NLGN1: variants seen among roughly 807,000 people sequenced by gnomAD.
NLGN1 encodes neuroligin 1.
In NLGN1, 12 loss-of-function variants were observed where a neutral mutation model predicts 65.5. The ratio of observed to expected loss-of-function variants is 0.18; its 90% confidence interval spans 0.12 to 0.30. The LOEUF (loss-of-function observed/expected upper bound fraction) is 0.30. Among genes scored for constraint, NLGN1 ranks in the 10% least tolerant of loss-of-function variants. The pLI is 1.00. For missense variants in NLGN1, 750 were observed against 1,007.1 expected (o/e 0.74, Z 3.46); for synonymous variants, 350 against 359.5 (o/e 0.97, Z 0.30).
At chr3:173,598,391 A>T (rs55778229) in intron 2 of NLGN1, among the ~76,000 whole-genome samples, 15,469 of 152,090 alleles carry the variant, frequency 0.1, 874 homozygotes, top group South Asian at 0.21. Flanking sequence ...TTACATAAAA[A>T]ATGGCAAATA....
intron 3 of NLGN1, among the ~76,000 whole-genome samples, chr3:173,779,956 A>C (rs1578393793): frequency 6.6e-6 from 1 of 151,986 alleles, no homozygotes; most frequent in South Asian, 2.1e-4. Context: ...CCTTTTTTCC[A>C]ATTTTGTCAG....
At position 174,279,174 on chromosome 3, in the gene NLGN1, AG is replaced by A; in HGVS notation, c.1176del (p.Leu393Ter). On this transcript the variant is annotated frameshift_variant, in exon 6 of 7. Transcript: ENST00000457714. LOFTEE classifies it high-confidence loss of function. This position sits in a 1 kb window ranked among gnomAD's most constrained non-coding sequence, Gnocchi z 4.7. ...TAATGTTAGGAGTGAACCAAGGGGA[AG>A]GGTTAAAATTTGTTGAAAATATAGT... 6.2e-7 allele frequency: 1 copy of A among 1,613,378 alleles called. No homozygotes were observed. The highest frequency in any genetic ancestry group is 8.5e-7 in the Non-Finnish European group (1 of 1,179,522).
the NLGN1 span, among the ~76,000 whole-genome samples, chr3:174,293,023 A>G: frequency 3.8e-4 from 57 of 151,690 alleles, no homozygotes; most frequent in African/African-American, 1.3e-3. Context: ...TCCTCAATAA[A>G]TAAATTGCAA....
intron 4 of NLGN1, among the ~76,000 whole-genome samples, chr3:173,937,946 G>T (rs1202974737): frequency 6.6e-6 from 1 of 152,088 alleles, no homozygotes; most frequent in Non-Finnish European, 1.5e-5. Flanking sequence ...CAATAATGTA[G>T]TTGTTCTGAT....
intron 4 of NLGN1, among the ~76,000 whole-genome samples, chr3:174,147,514 A>G (rs1577092973): frequency 7.5e-6 from 1 of 133,722 alleles, no homozygotes; most frequent in African/African-American, 2.9e-5. Context: ...GCTCACTGCA[A>G]CCTCCACTTC....
At chr3:173,861,028 G>A (rs1728961234) in intron 4 of NLGN1, among the ~76,000 whole-genome samples, 1 of 151,970 alleles carries the variant, frequency 6.6e-6, no homozygotes, top group African/African-American at 2.4e-5. Context: ...TTATATTATA[G>A]GTTTTCTTTT....
chr3:173,447,652 G>C (rs528337054), intron 2 of NLGN1, among the ~76,000 whole-genome samples: 5,571 of 152,206 alleles, frequency 0.037, 148 homozygotes, highest in South Asian at 0.057. Flanking sequence ...ACCTTGGGCA[G>C]TATGGCCATT....
At chr3:173,835,677 T>C (rs1723508500) in intron 4 of NLGN1, among the ~76,000 whole-genome samples, 1 of 151,854 alleles carries the variant, frequency 6.6e-6, no homozygotes, top group Non-Finnish European at 1.5e-5. Context: ...GTACAACAGG[T>C]ATATAAAACT....
rs191456241 is a variant in NLGN1 at position 173,399,910 on chromosome 3, C to T, written c.-390+1423C>T. The stretch of plus-strand genomic sequence containing the variant: ...TTAATACAGATATAGCTTTGAGTGA[C>T]GTATCTCTCTGGGTTTTCATGTATT... On this transcript the variant is annotated intron_variant, in intron 1 of 6. Coordinates refer to ENST00000457714, the Ensembl canonical transcript of NLGN1. The T allele has an allele frequency of 2.2e-3, 337 of 152,214 alleles. 1 individual carries two copies. The highest frequency in any genetic ancestry group is 7.9e-3 in the African/African-American group (327 of 41,528). 9.4% of individuals were successfully genotyped at this position (152,214 alleles called of 1,614,324 possible). A position where few individuals can be genotyped will look rare whatever the true frequency, so the allele number is the denominator to read the frequency against.
chr3:173,648,219 C>T (rs7622311), intron 3 of NLGN1, among the ~76,000 whole-genome samples: 16,953 of 151,932 alleles, frequency 0.11, 983 homozygotes, highest in Middle Eastern at 0.27. Flanking sequence ...AGATATGCTA[C>T]AAATTGAGAG....
At chr3:174,210,971 C>T (rs1001960119) in intron 4 of NLGN1, among the ~76,000 whole-genome samples, 11 of 152,186 alleles carry the variant, frequency 7.2e-5, no homozygotes, top group Middle Eastern at 3.4e-3. Context: ...AGAATGAAGC[C>T]GCGGACCCTC....
intron 3 of NLGN1, among the ~76,000 whole-genome samples, chr3:173,648,104 A>G (rs1758562821): frequency 6.6e-6 from 1 of 152,162 alleles, no homozygotes; most frequent in Admixed American, 6.5e-5. Context: ...AACAACACTG[A>G]AAAAGAACAA....
At chr3:174,097,594 T>A (rs1186794822) in intron 4 of NLGN1, among the ~76,000 whole-genome samples, 1 of 152,214 alleles carries the variant, frequency 6.6e-6, no homozygotes, top group Non-Finnish European at 1.5e-5. Context: ...AATCATTAAA[T>A]CTAAAATTAT....
chr3:174,279,470 A>G lies in NLGN1; in HGVS notation c.1469A>G (p.His490Arg). 1.9e-6 allele frequency: 3 copies of G among 1,613,168 alleles called. No homozygotes were observed. Among genetic ancestry groups the G allele is most frequent in the East Asian group, 2.2e-5 (1 of 44,822 alleles). The change falls in exon 6 of 7, where the codon CAT becomes CGT. Residue 490 changes from histidine to arginine, a missense_variant. Coordinates refer to ENST00000457714, the Ensembl canonical transcript of NLGN1. This position sits in a 1 kb window ranked among gnomAD's most constrained non-coding sequence, Gnocchi z 4.7. Reference sequence around the variant, plus strand: ...CCTACGTACTTCTATGCCTTTTACCATCATTGCCAAACAGATCAGGTTCCA... The same window carrying G: ...CCTACGTACTTCTATGCCTTTTACCGTCATTGCCAAACAGATCAGGTTCCA...
At chr3:174,222,937 C>CT (rs2152807430) in intron 4 of NLGN1, among the ~76,000 whole-genome samples, 1 of 152,204 alleles carries the variant, frequency 6.6e-6, no homozygotes, top group South Asian at 2.1e-4. Flanking sequence ...TGAGGTTGTA[C>CT]TTTACATTTT....
At chr3:173,452,597 A>G (rs1330363544) in intron 2 of NLGN1, among the ~76,000 whole-genome samples, 1 of 152,242 alleles carries the variant, frequency 6.6e-6, no homozygotes, top group African/African-American at 2.4e-5. Context: ...GGATACTGAT[A>G]TGAACAGGCC....
intron 2 of NLGN1, among the ~76,000 whole-genome samples, chr3:173,484,940 A>G (rs1028464521): frequency 5.9e-5 from 9 of 151,972 alleles, no homozygotes; most frequent in African/African-American, 2.2e-4. Context: ...CTTCCACTCT[A>G]TAAGTCAGTG....
intron 3 of NLGN1, among the ~76,000 whole-genome samples, chr3:173,704,788 G>A (rs548275612): frequency 2.0e-5 from 3 of 152,218 alleles, no homozygotes; most frequent in Non-Finnish European, 4.4e-5. Flanking sequence ...ATTGTGGTTA[G>A]GGGTTGGCGT....
chr3:174,171,901 G>T (rs1031425769), intron 4 of NLGN1, among the ~76,000 whole-genome samples: 3 of 151,930 alleles, frequency 2.0e-5, no homozygotes, highest in African/African-American at 7.3e-5. Context: ...TCCTCCCTCA[G>T]ATTTTTATGT....
Sources: allele counts gnomAD v4.1 joint callset (sites outside exome capture counted in the v4.1 genomes callset), GRCh38; gene constraint gnomAD v4.1.1; non-coding constraint Gnocchi (gnomAD v3.1); transcripts MANE v1.5; gene names NCBI Gene and HGNC (gene_info 2026-07-23, HGNC 2026-07-21).